CARF: variants seen among roughly 807,000 people sequenced by gnomAD.
CARF encodes calcium responsive transcription factor.
CARF carries 57 observed loss-of-function variants against 82.0 expected under a neutral mutation model. The ratio of observed to expected loss-of-function variants is 0.70; its 90% CI spans 0.56 to 0.87. CARF has a LOEUF of 0.87. Among genes scored for constraint, CARF ranks in the 40% least tolerant of loss-of-function variants. The pLI, the probability that CARF is intolerant of heterozygous loss-of-function variation, is 0.00. For synonymous variants in CARF, 268 were observed against 290.1 expected, an observed-to-expected ratio of 0.92 and a Z score of 0.77; for missense variants, 771 against 855.8, an observed-to-expected ratio of 0.90 and a Z score of 1.24.
At chr2:202,935,149 T>C (rs1251555489) in intron 3 of CARF, among the ~76,000 whole-genome samples, 1 of 113,082 alleles carries the variant, frequency 8.8e-6, no homozygotes, top group East Asian at 3.6e-4. Context: ...ATAATTATAA[T>C]ATATACTCCT....
At chr2:202,976,458 G>A (rs1338680923) in intron 13 of CARF, among the ~76,000 whole-genome samples, 1 of 151,940 alleles carries the variant, frequency 6.6e-6, no homozygotes, top group Admixed American at 6.6e-5. Flanking sequence ...ACAGGCGTGA[G>A]CCACCACACC....
chr2:202,966,892 C>T (rs2059575280), intron 9 of CARF, 86 bp from the exon 10 acceptor site: 2 of 1,302,886 alleles, frequency 1.5e-6, no homozygotes, highest in Non-Finnish European at 2.1e-6. Flanking sequence ...AAGATTTTGA[C>T]ATTGCCACCA....
In CARF at chr2:202,982,159, G is replaced by A. The variant is rs377372943; in HGVS notation, c.1777G>A (p.Gly593Arg). 1 of 1,614,132 alleles carries A rather than the reference G, an allele frequency of 6.2e-7. No homozygotes were observed. Among genetic ancestry groups the A allele is most frequent in the Non-Finnish European group, 8.5e-7 (1 of 1,180,020 alleles). ...VNNQPSSSPS[G>R]LLDTIGSAVM... is the part of the protein sequence containing the mutation. ...TAACCAGCCGTCCTCTAGTCCTTCA[G>A]GACTTCTGGATACAATAGGAAGTGC... The change falls in exon 16 of 17, where the codon GGA becomes AGA. Residue 593 changes from glycine (G) to arginine (R), a missense_variant. Transcript: ENST00000438828.
Position 202,974,405 on chromosome 2 carries a change from C to T in CARF, c.1403C>T (p.Thr468Ile). 6.2e-7 allele frequency: 1 copy of T among 1,609,902 alleles called. No individual in the cohort carries two copies. ...AGACATAATTTATCTTTTTTTCCAACTGTAAATGATATAAAAAATCACATC... is the reference window on the plus strand; with the variant it reads ...AGACATAATTTATCTTTTTTTCCAATTGTAAATGATATAAAAAATCACATC... ...PERHNLSFFPTVNDIKNHIHE... is the reference protein window; with the variant it reads ...PERHNLSFFPIVNDIKNHIHE... The change falls in exon 13 of 17, where the codon ACT (threonine) becomes ATT (isoleucine). Residue 468 changes from threonine (T) to isoleucine (I), a missense_variant. Coordinates refer to ENST00000438828, the MANE Select transcript of CARF (RefSeq NM_024744.17).
At chr2:202,943,587 TACACACAC>T (rs754214990) in intron 5 of CARF, among the ~76,000 whole-genome samples, 8 of 115,160 alleles carry the variant, frequency 6.9e-5, no homozygotes, top group South Asian at 3.8e-4. Flanking sequence ...TAATGGAATG[TACACACAC>T]ACACACACAC....
At position 202,952,662 on chromosome 2, in the gene CARF, A is replaced by T. The variant is rs755055139; in HGVS notation, c.410A>T (p.Asp137Val). 2 of 1,613,800 alleles carry T rather than the reference A, an allele frequency of 1.2e-6. No individual in the cohort carries two copies. The highest frequency in any genetic ancestry group is 2.2e-5 in the South Asian group (2 of 91,056). The change falls in exon 6 of 17, where the codon GAT (aspartate) becomes GTT (valine). Residue 137 changes from aspartate to valine, a missense_variant. Coordinates refer to ENST00000438828, the MANE Select transcript of CARF (RefSeq NM_024744.17). ...ATTATACCTCAGGGGCAACTTGTGGATGTGAATAGTCCTCGGGGTGAGTAA... is the reference window on the plus strand; with the variant it reads ...ATTATACCTCAGGGGCAACTTGTGGTTGTGAATAGTCCTCGGGGTGAGTAA... ...QVIIPQGQLV[D>V]VNSPRDVPEE...
intron 8 of CARF, among the ~76,000 whole-genome samples, chr2:202,960,718 C>T (rs2059276711): frequency 6.6e-6 from 1 of 151,414 alleles, no homozygotes; most frequent in Admixed American, 6.6e-5. Flanking sequence ...TCCCGCCTTC[C>T]CGCCTTCCCA....
At chr2:202,939,410 G>T in intron 3 of CARF, among the ~76,000 whole-genome samples, 1 of 151,998 alleles carries the variant, frequency 6.6e-6, no homozygotes, top group East Asian at 1.9e-4. Flanking sequence ...TCCACTTAAG[G>T]TATTTTCAAT....
intron 2 of CARF, among the ~76,000 whole-genome samples, chr2:202,922,840 C>T (rs1691085269): frequency 1.3e-5 from 2 of 151,562 alleles, no homozygotes; most frequent in African/African-American, 4.9e-5. Flanking sequence ...AAAGAGCATC[C>T]CAGTTGGTAA....
chr2:202,956,412 CA>C (rs896971669), intron 8 of CARF, among the ~76,000 whole-genome samples: 3 of 151,990 alleles, frequency 2.0e-5, no homozygotes, highest in African/African-American at 7.2e-5. Flanking sequence ...TGTGCCACCA[CA>C]CCTGGCTAAT....
chr2:202,982,204 C>G lies in CARF; in HGVS notation c.1822C>G (p.Leu608Val). Residue 608 changes from leucine (L) to valine (V), a missense_variant, in exon 16 of 17, where the codon CTA becomes GTA. By Grantham distance (32) the Leu-to-Val change is conservative (BLOSUM62 1). Coordinates refer to ENST00000438828, the MANE Select transcript of CARF (RefSeq NM_024744.17). Reference sequence around the variant, plus strand: ...AAGTGCTGTAATGAATAATAATTCTCTACTGCTTGGTCAAAGTCATAGCCT... The same window carrying G: ...AAGTGCTGTAATGAATAATAATTCTGTACTGCTTGGTCAAAGTCATAGCCT... ...IGSAVMNNNS[L>V]LLGQSHSLQR... 6.2e-7 allele frequency: 1 copy of G among 1,614,156 alleles called. No homozygotes were observed. The highest frequency in any genetic ancestry group is 8.5e-7 in the Non-Finnish European group (1 of 1,180,018).
At chr2:202,960,384 G>C (rs1054067788) in intron 8 of CARF, among the ~76,000 whole-genome samples, 6 of 152,042 alleles carry the variant, frequency 3.9e-5, no homozygotes, top group African/African-American at 1.5e-4. Flanking sequence ...CAGGTAGCTA[G>C]GACTACAGGC....
intron 10 of CARF, 76 bp downstream of exon 10, chr2:202,967,174 GT>G: frequency 6.8e-7 from 1 of 1,465,450 alleles, no homozygotes; most frequent in Non-Finnish European, 9.2e-7. Flanking sequence ...TTTTTATTAG[GT>G]TTATACAGTA....
At chr2:202,973,043 A>C (rs1432430786) in intron 12 of CARF, among the ~76,000 whole-genome samples, 1 of 152,164 alleles carries the variant, frequency 6.6e-6, no homozygotes, top group Non-Finnish European at 1.5e-5. Context: ...GGATTGCAGA[A>C]GCAAGCCACT....
At chr2:202,938,642 G>A (rs1363294429) in intron 3 of CARF, among the ~76,000 whole-genome samples, 2 of 111,998 alleles carry the variant, frequency 1.8e-5, no homozygotes, top group African/African-American at 6.0e-5. Context: ...GGGGGGTTTT[G>A]TGGGGGGGTT....
In CARF at chr2:202,924,435, GT is replaced by G. The variant is rs1316464392; in HGVS notation, c.-44+24del. ...TGTGAGGTAAGGGTCAAGGTTTATT[GT>G]TTTACATACGGCTATTTAGTTGTTT... On this transcript the variant is annotated intron_variant, in intron 3 of 16. Transcript: ENST00000438828. 1 of 152,142 alleles carries G rather than the reference GT, an allele frequency of 6.6e-6. No individual in the cohort carries two copies. Among genetic ancestry groups the G allele is most frequent in the African/African-American group, 2.4e-5 (1 of 41,440 alleles). 9.4% of individuals were successfully genotyped at this position (152,142 alleles called of 1,614,324 possible).
chr2:202,924,888 C>G, intron 3 of CARF: 1 of 221,104 alleles, frequency 4.5e-6, no homozygotes, highest in Non-Finnish European at 9.1e-6. Context: ...ATGTGCACAC[C>G]AACACCCAGG....
intron 8 of CARF, among the ~76,000 whole-genome samples, chr2:202,960,704 ACCTTCCCG>A (rs140099257): frequency 0.095 from 13,965 of 147,670 alleles, 741 homozygotes; most frequent in Non-Finnish European, 0.13. Context: ...CTGCCTTCCC[ACCTTCCCG>A]CCTTCCCGCC....
rs1275966136 is a variant in CARF, at chr2:202,986,881, T to TATATAC, written c.*3262_*3263insCATATA. On this transcript the variant is annotated 3_prime_UTR_variant, in exon 17 of 17. Coordinates refer to ENST00000438828, the MANE Select transcript of CARF (RefSeq NM_024744.17). ...AAATGTCTGTGCGTATATATATATA[T>TATATAC]ATATATATATATATATATATATATA... 28 of 118,602 alleles carry TATATAC rather than the reference T, an allele frequency of 2.4e-4. No homozygotes were observed. Among genetic ancestry groups the TATATAC allele is most frequent in the African/African-American group, 7.5e-4 (25 of 33,448 alleles). 7.3% of individuals were successfully genotyped at this position (118,602 alleles called of 1,614,324 possible).
Sources: gnomAD v4.1 joint callset for allele counts (sites outside exome capture counted in the v4.1 genomes callset) on GRCh38, gnomAD v4.1.1 for gene constraint, MANE v1.5 for transcripts, NCBI Gene and HGNC (gene_info 2026-07-23, HGNC 2026-07-21) for gene names.